The following LTN1 variants were observed in gnomAD, a reference collection of about 807,000 sequenced individuals.
The protein encoded by LTN1 is listerin E3 ubiquitin protein ligase 1.
In LTN1, 88 loss-of-function variants were observed where a neutral mutation model predicts 201.2. That is an observed-to-expected ratio of 0.44 (90% confidence interval 0.37 to 0.52). The LOEUF (loss-of-function observed/expected upper bound fraction) is 0.52, where lower values mean the gene tolerates loss of function less well. Among genes scored for constraint, LTN1 ranks in the 20% least tolerant of loss-of-function variants. The pLI is 0.00. For synonymous variants in LTN1, 645 were observed against 713.5 expected, an observed-to-expected ratio of 0.90 and a Z score of 1.53; for missense variants, 1,752 against 2,038.7, an observed-to-expected ratio of 0.86 and a Z score of 2.71.
chr21:28,947,659 T>C (rs1445390781), intron 18 of LTN1, 53 bp from the exon 19 acceptor site: 6 of 1,129,700 alleles, frequency 5.3e-6, no homozygotes, highest in Non-Finnish European at 7.3e-6. Flanking sequence ...CATACAGTTA[T>C]TTTATATATT....
chr21:28,990,810 A>T (rs2084738841), intron 1 of LTN1, among the ~76,000 whole-genome samples: 2 of 152,300 alleles, frequency 1.3e-5, no homozygotes, highest in African/African-American at 2.4e-5. Context: ...AAATTTTGTT[A>T]AAAAAGACAC....
intron 16 of LTN1, among the ~76,000 whole-genome samples, chr21:28,955,740 T>C (rs746852878): frequency 6.6e-6 from 1 of 151,656 alleles, no homozygotes; most frequent in African/African-American, 2.4e-5. Context: ...CTGGCCAACA[T>C]AGTGAAACCC....
At chr21:28,974,636 G>C (rs983939219) in intron 6 of LTN1, among the ~76,000 whole-genome samples, 1 of 152,184 alleles carries the variant, frequency 6.6e-6, no homozygotes, top group African/African-American at 2.4e-5. Flanking sequence ...GGAACTAGAA[G>C]AACCAGGAAA....
At chr21:28,939,077 GC>G (rs1481900660) in intron 25 of LTN1, among the ~76,000 whole-genome samples, 2 of 151,856 alleles carry the variant, frequency 1.3e-5, no homozygotes, top group Non-Finnish European at 2.9e-5. Context: ...CATTTGAGGG[GC>G]AAAAAAAGTG....
intron 1 of LTN1, 120 bp downstream of exon 1, chr21:28,992,644 T>A: frequency 9.2e-7 from 1 of 1,082,814 alleles, no homozygotes; most frequent in Non-Finnish European, 1.4e-6. Context: ...GAGGTCACAC[T>A]CGACAGGGAA....
chr21:28,966,575 T>A lies in LTN1; in HGVS notation c.1916A>T (p.Gln639Leu), dbSNP rs373909437. Residue 639 changes from glutamine (Q) to leucine (L), a missense_variant, in exon 10 of 30, where the codon CAG becomes CTG. Gln to Leu is a moderately radical substitution (Grantham distance 113, BLOSUM62 -2). Coordinates refer to ENST00000361371, the MANE Select transcript of LTN1 (RefSeq NM_015565.3). Reference protein sequence around the residue: ...VFKMLLGDEKQSIVQAKPLEI... With the variant: ...VFKMLLGDEKLSIVQAKPLEI... ...AAGAGGTTTGGCTTGGACAATACTCTGTTTTTCATCACCAAGTAGCATTTT... is the reference window on the plus strand; with the variant it reads ...AAGAGGTTTGGCTTGGACAATACTCAGTTTTTCATCACCAAGTAGCATTTT... 9.3e-6 allele frequency: 15 copies of A among 1,614,020 alleles called. No homozygotes were observed. The highest frequency in any genetic ancestry group is 1.3e-5 in the African/African-American group (1 of 74,944).
intron 10 of LTN1, 109 bp from the exon 11 acceptor site, chr21:28,966,015 G>T: frequency 1.4e-6 from 1 of 698,096 alleles, no homozygotes; most frequent in Non-Finnish European, 2.4e-6. Flanking sequence ...TCAAGCCAAT[G>T]TCTCACCTCA....
chr21:28,958,714 A>C (rs866097101), intron 13 of LTN1, among the ~76,000 whole-genome samples, 175 bp from the exon 14 acceptor site: 8 of 152,232 alleles, frequency 5.3e-5, no homozygotes, highest in Non-Finnish European at 4.4e-5. Context: ...TGTCATAAAC[A>C]TGCAATCATA....
chr21:28,969,657 G>A, intron 8 of LTN1, 56 bp from the exon 9 acceptor site: 2 of 1,381,302 alleles, frequency 1.4e-6, no homozygotes, highest in Middle Eastern at 5.1e-4. Context: ...CAAGAACTCA[G>A]AATTATCAAA....
chr21:28,988,261 G>A (rs1409174789), intron 1 of LTN1, among the ~76,000 whole-genome samples: 3 of 151,782 alleles, frequency 2.0e-5, no homozygotes, highest in Non-Finnish European at 4.4e-5. Context: ...GAGCCCTGAA[G>A]TTCGAAACCA....
intron 18 of LTN1, among the ~76,000 whole-genome samples, chr21:28,948,868 T>C (rs995309876): frequency 6.6e-6 from 1 of 152,202 alleles, no homozygotes; most frequent in African/African-American, 2.4e-5. Flanking sequence ...TACTATTCTG[T>C]GTATGTATAA....
At position 28,932,452 on chromosome 21, in the gene LTN1, G is replaced by A; in HGVS notation, c.5070+18C>T. 6.2e-7 allele frequency: 1 copy of A among 1,604,544 alleles called. No homozygotes were observed. Among genetic ancestry groups the A allele is most frequent in the Non-Finnish European group, 8.5e-7 (1 of 1,174,878 alleles). ...CTTTTCCAAGTTTGTAAAGCCAAAT[G>A]TGTAAACAGAAACTTACCTGATGGG... On this transcript the variant is annotated intron_variant, in intron 28 of 29. Transcript: ENST00000361371.
rs776858550 is a variant in LTN1, at chr21:28,969,527, C to T, written c.1250G>A (p.Arg417His). Residue 417 changes from arginine (R) to histidine (H), a missense_variant, in exon 9 of 30, where the codon CGT becomes CAT. Physicochemically the swap from Arg to His is conservative, Grantham distance 29. This residue lies in a region of LTN1 where 1,211 missense variants were observed against 1,312.8 expected (regional missense o/e 0.92). Transcript: ENST00000361371. ...AVISAFFECL[R>H]FIMQQNLGEE... ...ACCTAAGTTTTGCTGCATTATAAAACGTAAGCATTCAAAAAAAGCAGATAT... is the reference window on the plus strand; with the variant it reads ...ACCTAAGTTTTGCTGCATTATAAAATGTAAGCATTCAAAAAAAGCAGATAT... 6 of 1,612,624 alleles carry T rather than the reference C, an allele frequency of 3.7e-6. No homozygotes were observed. The Admixed American group carries it at 5.0e-5, about 13-fold the overall frequency.
At chr21:28,958,856 C>T (rs559364922) in intron 13 of LTN1, among the ~76,000 whole-genome samples, 1 of 148,864 alleles carries the variant, frequency 6.7e-6, no homozygotes, top group African/African-American at 2.5e-5. Context: ...TTTCCAAATA[C>T]AGAAGTTAGT....
At chr21:28,989,065 C>CAG (rs2084724884) in intron 1 of LTN1, among the ~76,000 whole-genome samples, 1 of 151,858 alleles carries the variant, frequency 6.6e-6, no homozygotes, top group African/African-American at 2.4e-5. Context: ...ATTAATTATT[C>CAG]AATTCACCTT....
At chr21:28,985,814 C>T (rs756219162) in intron 3 of LTN1, among the ~76,000 whole-genome samples, 7 of 152,106 alleles carry the variant, frequency 4.6e-5, no homozygotes, top group Non-Finnish European at 1.0e-4. Context: ...GCATCCATCA[C>T]CACACCCGGC....
In LTN1 at chr21:28,958,550, G is replaced by T. The variant is rs2084446207; in HGVS notation, c.2594-11C>A. ...TACAGATAAGAAAATCTAAAATCAAGATGTCAACAGGAATTTGTAATCTCA... is the reference window on the plus strand; with the variant it reads ...TACAGATAAGAAAATCTAAAATCAATATGTCAACAGGAATTTGTAATCTCA... On this transcript the variant is annotated splice_polypyrimidine_tract_variant and intron_variant, in intron 13 of 29. Transcript: ENST00000361371. 1.9e-6 allele frequency: 3 copies of T among 1,580,368 alleles called. No individual in the cohort carries two copies. Among genetic ancestry groups the T allele is most frequent in the Non-Finnish European group, 2.6e-6 (3 of 1,164,068 alleles).
rs2084387989 is a variant in LTN1, at chr21:28,952,188, C to T, written c.3316G>A (p.Val1106Ile). The T allele has an allele frequency of 1.5e-5, 24 of 1,606,710 alleles. No individual in the cohort carries two copies. Among genetic ancestry groups the T allele is most frequent in the Non-Finnish European group, 2.0e-5 (24 of 1,175,140 alleles). Residue 1106 changes from valine (V) to isoleucine (I), a missense_variant, in exon 18 of 30, where the codon GTA becomes ATA. Val to Ile is a conservative substitution (Grantham distance 29). Transcript: ENST00000361371. ...ILSRSISSDE[V>I]KPHYKRKESF... ...TCTTTTCTCTTATAATGTGGTTTTACTTCATCAGATGAAATGCTTCGGGAA... is the reference window on the plus strand; with the variant it reads ...TCTTTTCTCTTATAATGTGGTTTTATTTCATCAGATGAAATGCTTCGGGAA...
At chr21:28,980,540 T>C (rs2084650386) in intron 6 of LTN1, among the ~76,000 whole-genome samples, 1 of 146,260 alleles carries the variant, frequency 6.8e-6, no homozygotes, top group Admixed American at 6.9e-5. Context: ...ACTTAAAGTA[T>C]AATAATAATA....
Sources: gnomAD v4.1 joint callset for allele counts (sites outside exome capture counted in the v4.1 genomes callset) on GRCh38, gnomAD v4.1.1 for gene constraint, gnomAD v4.1.1 regional missense constraint, MANE v1.5 for transcripts, NCBI Gene and HGNC (gene_info 2026-07-23, HGNC 2026-07-21) for gene names.